AGBL4: variants seen among roughly 807,000 people sequenced by gnomAD.
AGBL4 encodes the protein AGBL carboxypeptidase 4, also known as cytosolic carboxypeptidase 6.
Under a neutral mutation model 66.4 loss-of-function variants are expected in AGBL4, and 58 were observed. The ratio of observed to expected loss-of-function variants is 0.87; its 90% CI spans 0.71 to 1.09. The LOEUF is 1.09. AGBL4 is among the 50% of genes least tolerant of loss of function. AGBL4 has a pLI of 0.00. For missense variants in AGBL4, 579 were observed against 631.0 expected (o/e 0.92, Z 0.88); for synonymous variants, 234 against 222.9 (o/e 1.05, Z -0.44).
chr1:48,892,660 G>GC (rs1244548433), intron 5 of AGBL4, among the ~76,000 whole-genome samples: 58 of 152,302 alleles, frequency 3.8e-4, no homozygotes, highest in African/African-American at 1.4e-3. Context: ...TTGAGTTTCT[G>GC]ATTAGCCTTT....
chr1:49,019,877 CT>C (rs1663109995), intron 5 of AGBL4, among the ~76,000 whole-genome samples: 1 of 152,160 alleles, frequency 6.6e-6, no homozygotes, highest in Non-Finnish European at 1.5e-5. Flanking sequence ...CTCTTTGCAC[CT>C]CAGTTTCCTG....
intron 3 of AGBL4, among the ~76,000 whole-genome samples, chr1:49,456,656 A>AT (rs1646396724): frequency 6.6e-6 from 1 of 151,442 alleles, no homozygotes; most frequent in African/African-American, 2.4e-5. Flanking sequence ...AATTTCCGAG[A>AT]TTTTGGTGCA....
At chr1:49,664,693 C>A (rs1472214491) in intron 3 of AGBL4, among the ~76,000 whole-genome samples, 1 of 152,060 alleles carries the variant, frequency 6.6e-6, no homozygotes, top group Non-Finnish European at 1.5e-5. Flanking sequence ...ATCTTTGGCT[C>A]ATATTCAGTG....
intron 4 of AGBL4, among the ~76,000 whole-genome samples, chr1:49,099,852 A>T (rs1426873925): frequency 1.3e-5 from 2 of 152,186 alleles, no homozygotes; most frequent in East Asian, 3.9e-4. Context: ...GCAGAAAGTC[A>T]TGAGAAGGCC....
At chr1:48,522,848 C>A in the AGBL4 span, among the ~76,000 whole-genome samples, 3 of 151,596 alleles carry the variant, frequency 2.0e-5, no homozygotes, top group Admixed American at 6.6e-5. Context: ...ATCGCTTGAA[C>A]CTGGGAGACA....
chr1:48,870,775 G>A (rs768978311), intron 5 of AGBL4, among the ~76,000 whole-genome samples: 40 of 152,080 alleles, frequency 2.6e-4, no homozygotes, highest in Non-Finnish European at 2.9e-4. Context: ...TTAACCCACC[G>A]ATCACTGACA....
chr1:49,021,675 AC>A (rs914978446), intron 5 of AGBL4, among the ~76,000 whole-genome samples: 12 of 152,302 alleles, frequency 7.9e-5, no homozygotes, highest in African/African-American at 2.6e-4. Context: ...AGTCTATGGT[AC>A]TTTGTCATAG....
At chr1:49,503,494 G>T (rs1377966565) in intron 3 of AGBL4, among the ~76,000 whole-genome samples, 7 of 152,104 alleles carry the variant, frequency 4.6e-5, no homozygotes, top group African/African-American at 1.7e-4. Flanking sequence ...TAGATCCATT[G>T]ACAGCTTGCT....
chr1:49,146,598 G>A (rs1646222688), intron 4 of AGBL4, among the ~76,000 whole-genome samples: 1 of 152,188 alleles, frequency 6.6e-6, no homozygotes, highest in Non-Finnish European at 1.5e-5. Context: ...AGCTAGCCAG[G>A]AGAATGAAGA....
chr1:49,398,323 CTCTCTCTCTT>C (rs1395979150), intron 3 of AGBL4, among the ~76,000 whole-genome samples: 5 of 123,188 alleles, frequency 4.1e-5, no homozygotes, highest in African/African-American at 1.2e-4. Flanking sequence ...CTCTCTCTCC[CTCTCTCTCTT>C]TCTCTCTCTC....
intron 6 of AGBL4, among the ~76,000 whole-genome samples, chr1:48,797,366 AC>A (rs1249679857): frequency 1.3e-5 from 2 of 151,880 alleles, no homozygotes; most frequent in Non-Finnish European, 2.9e-5. Flanking sequence ...TTTATCCCTC[AC>A]CCCCATCCTA....
At chr1:48,735,540 A>T (rs1648904087) in intron 6 of AGBL4, among the ~76,000 whole-genome samples, 1 of 151,924 alleles carries the variant, frequency 6.6e-6, no homozygotes, top group African/African-American at 2.4e-5. Flanking sequence ...GGAAGGAAGA[A>T]GGAAAAAGGA....
intron 3 of AGBL4, among the ~76,000 whole-genome samples, chr1:49,566,742 G>A (rs1279742914): frequency 6.6e-6 from 1 of 151,998 alleles, no homozygotes; most frequent in Non-Finnish European, 1.5e-5. Context: ...CTACTCGGGG[G>A]TTAGGGACCC....
chr1:48,886,323 T>G (rs1650339946), intron 5 of AGBL4, among the ~76,000 whole-genome samples: 1 of 152,148 alleles, frequency 6.6e-6, no homozygotes, highest in Non-Finnish European at 1.5e-5. Context: ...GCTGTTGTAT[T>G]AAGGATGTTT....
In AGBL4 at chr1:48,598,962, C is replaced by CT. The variant is rs897419039; in HGVS notation, c.952-7978dup. ...TTTTCTTCCTTTATTACTCCATAAG[C>CT]TTTTTTTTCTAGTTATAAATTATGG... On this transcript the variant is annotated intron_variant, in intron 9 of 13. Coordinates refer to ENST00000371839, the MANE Select transcript of AGBL4 (RefSeq NM_032785.4). Among the ~76,000 whole-genome samples the CT allele has an allele frequency of 3.3e-5, 5 of 151,884 alleles. No homozygotes were observed. The South Asian group carries it at 8.3e-4, about 25-fold the overall frequency.
chr1:49,979,852 CA>C (rs1012875519), intron 1 of AGBL4, among the ~76,000 whole-genome samples: 275 of 151,266 alleles, frequency 1.8e-3, no homozygotes, highest in Non-Finnish European at 2.9e-3. Flanking sequence ...CATGACACTA[CA>C]AAAAAAAATT....
the AGBL4 span, among the ~76,000 whole-genome samples, chr1:48,523,695 C>T: frequency 1.4e-5 from 2 of 146,994 alleles, no homozygotes; most frequent in South Asian, 2.3e-4. Context: ...AAGTCTCAAG[C>T]TCCGTGGAGC....
At chr1:49,495,016 T>G (rs568004217) in intron 3 of AGBL4, among the ~76,000 whole-genome samples, 7 of 152,226 alleles carry the variant, frequency 4.6e-5, no homozygotes, top group Non-Finnish European at 7.4e-5. Flanking sequence ...AAATATAATT[T>G]TTAAGCAGTT....
At chr1:48,686,357 C>A (rs371055846) in intron 6 of AGBL4, among the ~76,000 whole-genome samples, 1 of 152,182 alleles carries the variant, frequency 6.6e-6, no homozygotes, top group South Asian at 2.1e-4. Flanking sequence ...ATGCTCTTTG[C>A]ACTTTGTCTT....
Sources: gnomAD v4.1 joint callset for allele counts (sites outside exome capture counted in the v4.1 genomes callset) on GRCh38, gnomAD v4.1.1 for gene constraint, MANE v1.5 for transcripts, NCBI Gene and HGNC (gene_info 2026-07-23, HGNC 2026-07-21) for gene names.